Variants in SIPA1L1 observed in about 807,000 individuals in gnomAD.
SIPA1L1 encodes signal induced proliferation associated 1 like 1, also known as signal-induced proliferation-associated 1-like protein 1.
A neutral mutation model predicts 162.7 loss-of-function variants in SIPA1L1; 26 were observed. That is an observed-to-expected ratio of 0.16 (90% CI 0.12 to 0.22). The LOEUF (loss-of-function observed/expected upper bound fraction) is 0.22. Among genes scored for constraint, SIPA1L1 ranks in the 10% least tolerant of loss-of-function variants. SIPA1L1 has a pLI of 1.00. For synonymous variants in SIPA1L1, 829 were observed against 837.4 expected, an observed-to-expected ratio of 0.99 and a Z score of 0.17; for missense variants, 1,874 against 2,241.0, an observed-to-expected ratio of 0.84 and a Z score of 3.31.
At chr14:71,625,644 G>A (rs2039903093) in intron 7 of SIPA1L1, among the ~76,000 whole-genome samples, 1 of 152,170 alleles carries the variant, frequency 6.6e-6, no homozygotes, top group African/African-American at 2.4e-5. Flanking sequence ...AACTATTTTG[G>A]AGGCTGTTTT....
At chr14:71,518,659 T>C (rs1387132433) in intron 3 of SIPA1L1, among the ~76,000 whole-genome samples, 1 of 152,058 alleles carries the variant, frequency 6.6e-6, no homozygotes, top group Non-Finnish European at 1.5e-5. Context: ...TAAAATGTCC[T>C]GCTGGATGTA....
At chr14:71,442,763 A>G (rs1041765724) in intron 2 of SIPA1L1, among the ~76,000 whole-genome samples, 3 of 152,134 alleles carry the variant, frequency 2.0e-5, no homozygotes, top group African/African-American at 7.2e-5. Context: ...CCTTGTCTCT[A>G]TAAAAAAAAT....
intron 2 of SIPA1L1, among the ~76,000 whole-genome samples, chr14:71,336,757 C>G (rs748510349): frequency 6.6e-6 from 1 of 152,176 alleles, no homozygotes; most frequent in Non-Finnish European, 1.5e-5. Flanking sequence ...ATTGTTTTAC[C>G]GCACCTTTCC....
intron 2 of SIPA1L1, among the ~76,000 whole-genome samples, chr14:71,481,040 T>C (rs2048316393): frequency 6.6e-6 from 1 of 152,230 alleles, no homozygotes; most frequent in Non-Finnish European, 1.5e-5. Context: ...ACTTTCCTGT[T>C]TACCTTGTGG....
At chr14:71,661,607 G>C (rs1404219739) in intron 10 of SIPA1L1, 140 bp downstream of exon 10, 1 of 852,922 alleles carries the variant, frequency 1.2e-6, no homozygotes. Flanking sequence ...CATGCGGATG[G>C]CTGAATTCAC....
intron 3 of SIPA1L1, among the ~76,000 whole-genome samples, chr14:71,525,308 G>C (rs1200292981): frequency 1.3e-5 from 2 of 151,914 alleles, no homozygotes; most frequent in African/African-American, 4.8e-5. Context: ...TCAGCCCCCT[G>C]AGTAGCTGGG....
intron 12 of SIPA1L1, among the ~76,000 whole-genome samples, chr14:71,676,191 G>A (rs2045155837): frequency 6.6e-6 from 1 of 151,556 alleles, no homozygotes; most frequent in African/African-American, 2.4e-5. Flanking sequence ...CTACTTGGGG[G>A]CTGAGGTAGG....
intron 2 of SIPA1L1, among the ~76,000 whole-genome samples, chr14:71,413,303 T>C (rs1045708699): frequency 1.3e-5 from 2 of 152,180 alleles, no homozygotes; most frequent in Non-Finnish European, 2.9e-5. Context: ...CACTTTGTTG[T>C]TGTTGTTGTT....
chr14:71,577,108 T>C (rs528314821), intron 4 of SIPA1L1, among the ~76,000 whole-genome samples: 5 of 150,534 alleles, frequency 3.3e-5, no homozygotes, highest in Middle Eastern at 3.5e-3. Context: ...AATAATGGCA[T>C]GGCAGTTGAG....
chr14:71,320,863 A>G (rs937240358), intron 1 of SIPA1L1, among the ~76,000 whole-genome samples: 4 of 151,658 alleles, frequency 2.6e-5, no homozygotes, highest in African/African-American at 4.8e-5. Context: ...CGCCTAGACA[A>G]TAGTTGATGC....
intron 2 of SIPA1L1, among the ~76,000 whole-genome samples, chr14:71,494,241 G>A (rs1567102868): frequency 6.6e-6 from 1 of 152,120 alleles, no homozygotes; most frequent in African/African-American, 2.4e-5. Context: ...TTTACTGTTG[G>A]TATGATGTTT....
chr14:71,374,941 C>G (rs2039241280), intron 2 of SIPA1L1, among the ~76,000 whole-genome samples: 1 of 152,080 alleles, frequency 6.6e-6, no homozygotes, highest in Non-Finnish European at 1.5e-5. Flanking sequence ...TGACAGTGAC[C>G]ACAGAGTTTT....
intron 10 of SIPA1L1, among the ~76,000 whole-genome samples, chr14:71,667,630 C>A (rs917337843): frequency 1.3e-5 from 2 of 152,202 alleles, no homozygotes; most frequent in Non-Finnish European, 2.9e-5. Flanking sequence ...GAGGAAACTT[C>A]CTTCTCCCAT....
Position 71,335,519 on chromosome 14 carries a change from C to T in SIPA1L1, c.-465+14338C>T, listed in dbSNP as rs568574222. On this transcript the variant is annotated intron_variant, in intron 2 of 23. Transcript: ENST00000381232. ...GCAGTGAATATAACTTGATGACTGC[C>T]ATCTAAGTAAGTATGGTAACCGTTG... Among the ~76,000 whole-genome samples, 90 of 152,274 alleles carry T rather than the reference C, an allele frequency of 5.9e-4. 1 individual carries two copies. Among genetic ancestry groups the T allele is most frequent in the African/African-American group, 2.1e-3 (88 of 41,552 alleles).
At chr14:71,516,022 A>C (rs1739006971) in intron 3 of SIPA1L1, among the ~76,000 whole-genome samples, 1 of 152,220 alleles carries the variant, frequency 6.6e-6, no homozygotes, top group African/African-American at 2.4e-5. Context: ...TGATGTTTTC[A>C]AACTGTTAAA....
intron 2 of SIPA1L1, among the ~76,000 whole-genome samples, chr14:71,396,982 T>C (rs1264503389): frequency 6.6e-6 from 1 of 152,222 alleles, no homozygotes; most frequent in East Asian, 1.9e-4. Context: ...TTTTTTAAGG[T>C]AAACTAAATG....
At chr14:71,662,425 C>T (rs1014470804) in intron 10 of SIPA1L1, among the ~76,000 whole-genome samples, 1 of 152,208 alleles carries the variant, frequency 6.6e-6, no homozygotes, top group Admixed American at 6.5e-5. Flanking sequence ...TTCTAGACAT[C>T]TTACATGTAT....
Position 71,709,283 on chromosome 14 carries a change from C to G in SIPA1L1, c.3827C>G (p.Ala1276Gly). 1.7e-5 allele frequency: 27 copies of G among 1,614,178 alleles called. No individual in the cohort carries two copies. Among genetic ancestry groups the G allele is most frequent in the Non-Finnish European group, 2.2e-5 (26 of 1,180,020 alleles). The change falls in exon 17 of 24, where the codon GCC (alanine) becomes GGC (glycine). Residue 1276 changes from alanine (A) to glycine (G), a missense_variant. By Grantham distance (60) the Ala-to-Gly change is moderately conservative. Transcript: ENST00000381232. The part of the protein sequence containing the change: ...SNTLSSNASS[A>G]HSDEKWYDGD... ...ACTCTCTCCAGCAATGCGTCAAGTG[C>G]CCATAGTGATGAGAAGTGGTACGAT...
intron 2 of SIPA1L1, among the ~76,000 whole-genome samples, chr14:71,366,575 A>G (rs1360850323): frequency 2.6e-5 from 4 of 152,098 alleles, no homozygotes; most frequent in Admixed American, 1.3e-4. Context: ...CTGGGACTAC[A>G]GGCGCCCGCC....
Sources: allele counts gnomAD v4.1 joint callset (sites outside exome capture counted in the v4.1 genomes callset), GRCh38; gene constraint gnomAD v4.1.1; transcripts MANE v1.5; gene names NCBI Gene and HGNC (gene_info 2026-07-23, HGNC 2026-07-21).